Variants in MYRIP observed in about 807,000 individuals in gnomAD.
MYRIP encodes the protein rab effector MyRIP.
A neutral mutation model predicts 98.0 loss-of-function variants in MYRIP; 49 were observed. The ratio of observed to expected loss-of-function variants is 0.50; its 90% CI spans 0.40 to 0.63. MYRIP has a LOEUF of 0.63. Among genes scored for constraint, MYRIP ranks in the 30% least tolerant of loss-of-function variants. The pLI, the probability that MYRIP is intolerant of heterozygous loss-of-function variation, is 0.00. For synonymous variants in MYRIP, 404 were observed against 409.5 expected (o/e 0.99, Z 0.16); for missense variants, 1,004 against 1,058.2 (o/e 0.95, Z 0.71).
At chr3:40,063,731 CAA>C (rs1948069740) in intron 3 of MYRIP, among the ~76,000 whole-genome samples, 1 of 152,144 alleles carries the variant, frequency 6.6e-6, no homozygotes, top group Non-Finnish European at 1.5e-5. Context: ...TAAGGAAAAA[CAA>C]CTGGTTCACT....
At chr3:40,132,004 G>T (rs1387402939) in intron 3 of MYRIP, among the ~76,000 whole-genome samples, 2 of 152,172 alleles carry the variant, frequency 1.3e-5, no homozygotes, top group East Asian at 3.9e-4. Flanking sequence ...AAGTAGCTTG[G>T]GTTGGGGAGG....
At chr3:39,873,803 G>T (rs951400694) in intron 1 of MYRIP, among the ~76,000 whole-genome samples, 31 of 152,178 alleles carry the variant, frequency 2.0e-4, no homozygotes, top group Non-Finnish European at 3.2e-4. Context: ...TTTGGCTTAG[G>T]ATTGACTTGG....
chr3:39,990,681 T>C (rs902030350), intron 2 of MYRIP, among the ~76,000 whole-genome samples: 1 of 152,232 alleles, frequency 6.6e-6, no homozygotes, highest in African/African-American at 2.4e-5. Flanking sequence ...TCATTCTGAT[T>C]GTTCTGGTCA....
At chr3:39,851,431 C>G (rs191777391) in intron 1 of MYRIP, among the ~76,000 whole-genome samples, 25 of 152,188 alleles carry the variant, frequency 1.6e-4, no homozygotes, top group African/African-American at 5.8e-4. Context: ...GCTCCCTTGC[C>G]CCACTCCCAC....
intron 4 of MYRIP, among the ~76,000 whole-genome samples, chr3:40,156,205 A>C (rs1173681917): frequency 1.3e-5 from 2 of 151,668 alleles, no homozygotes; most frequent in Non-Finnish European, 2.9e-5. Flanking sequence ...TCAGCTTTCT[A>C]CATATGGCTA....
At chr3:40,191,712 A>G (rs1386486699) in intron 10 of MYRIP, among the ~76,000 whole-genome samples, 2 of 152,200 alleles carry the variant, frequency 1.3e-5, no homozygotes, top group African/African-American at 4.8e-5. Context: ...CTCCTCTGTA[A>G]AACAGAAGAT....
At chr3:40,237,898 T>C (rs1364855586) in intron 12 of MYRIP, among the ~76,000 whole-genome samples, 1 of 152,266 alleles carries the variant, frequency 6.6e-6, no homozygotes, top group Admixed American at 6.5e-5. Context: ...CCCTTTTATC[T>C]TTACCTCCAA....
At chr3:39,980,492 G>A (rs1020176650) in intron 2 of MYRIP, among the ~76,000 whole-genome samples, 1 of 152,188 alleles carries the variant, frequency 6.6e-6, no homozygotes, top group Non-Finnish European at 1.5e-5. Context: ...GATGCTAAGA[G>A]AACATATAAT....
At chr3:40,025,782 G>A (rs983175217) in intron 2 of MYRIP, among the ~76,000 whole-genome samples, 1 of 151,958 alleles carries the variant, frequency 6.6e-6, no homozygotes, top group Non-Finnish European at 1.5e-5. Context: ...AAGGGGAGGG[G>A]GTGTACGAAC....
intron 11 of MYRIP, among the ~76,000 whole-genome samples, chr3:40,224,104 G>A (rs758730143): frequency 4.6e-5 from 7 of 152,174 alleles, no homozygotes; most frequent in Non-Finnish European, 8.8e-5. Flanking sequence ...GAAAAGCGGC[G>A]AGAGAGGTGA....
intron 2 of MYRIP, among the ~76,000 whole-genome samples, chr3:39,964,159 CT>C (rs1945387268): frequency 6.6e-6 from 1 of 152,014 alleles, no homozygotes; most frequent in South Asian, 2.1e-4. Context: ...TCTTCTTTAT[CT>C]TTCTTTTCTT....
intron 2 of MYRIP, among the ~76,000 whole-genome samples, chr3:40,001,235 T>C (rs1460534113): frequency 6.6e-6 from 1 of 152,192 alleles, no homozygotes; most frequent in East Asian, 1.9e-4. Context: ...AGTTGATATA[T>C]ACATTTGGCA....
rs564329593 is a variant in MYRIP, at chr3:40,256,843, T to C, written c.2548-1291T>C. On this transcript the variant is annotated intron_variant, in intron 16 of 16. Transcript: ENST00000302541. The stretch of plus-strand genomic sequence containing the variant: ...AAAATATTGAAAACTAAAAGATTCA[T>C]GTTGTGAAGCTATCATAACCTCAAT... Among the ~76,000 whole-genome samples, 11 of 152,252 alleles carry C rather than the reference T, an allele frequency of 7.2e-5. No individual in the cohort carries two copies. In the South Asian group the frequency reaches 2.3e-3, roughly 32 times the overall value.
At chr3:40,016,848 C>T (rs1303270076) in intron 2 of MYRIP, among the ~76,000 whole-genome samples, 1 of 152,226 alleles carries the variant, frequency 6.6e-6, no homozygotes, top group Non-Finnish European at 1.5e-5. Context: ...TGCCATATAT[C>T]ATGGCTCAGT....
intron 12 of MYRIP, among the ~76,000 whole-genome samples, chr3:40,243,302 T>C (rs1953083871): frequency 6.6e-6 from 1 of 151,822 alleles, no homozygotes; most frequent in Non-Finnish European, 1.5e-5. Flanking sequence ...TTTTGTAAAA[T>C]TGCCAGTTTT....
intron 3 of MYRIP, among the ~76,000 whole-genome samples, chr3:40,112,843 A>G (rs1048255135): frequency 1.3e-5 from 2 of 152,166 alleles, no homozygotes; most frequent in Non-Finnish European, 2.9e-5. Flanking sequence ...TACTTTCATG[A>G]CTATTGTACA....
intron 4 of MYRIP, among the ~76,000 whole-genome samples, chr3:40,160,518 C>G (rs1449836080): frequency 6.6e-6 from 1 of 152,196 alleles, no homozygotes; most frequent in Non-Finnish European, 1.5e-5. Context: ...GTGGTGGGCT[C>G]CACCCAGTTC....
chr3:40,167,144 C>G lies in MYRIP; in HGVS notation c.649-15C>G. The G allele has an allele frequency of 1.2e-6, 2 of 1,613,726 alleles. No homozygotes were observed. Among genetic ancestry groups the G allele is most frequent in the South Asian group, 2.2e-5 (2 of 91,068 alleles). ...AATCCACCCACAGCACACAGCCATT[C>G]TCTTCCCTCCTCAGGACAAGCAAAA... On this transcript the variant is annotated splice_polypyrimidine_tract_variant and intron_variant, in intron 6 of 16. Transcript: ENST00000302541.
chr3:40,155,110 T>G (rs1240304975), intron 4 of MYRIP, among the ~76,000 whole-genome samples: 1 of 151,538 alleles, frequency 6.6e-6, no homozygotes, highest in Non-Finnish European at 1.5e-5. Context: ...CATCTAGCAT[T>G]AGGTATATCT....
Sources: allele counts gnomAD v4.1 joint callset (sites outside exome capture counted in the v4.1 genomes callset), GRCh38; gene constraint gnomAD v4.1.1; transcripts MANE v1.5; gene names NCBI Gene and HGNC (gene_info 2026-07-23, HGNC 2026-07-21).